The following AFAP1 variants were observed in gnomAD, a reference collection of about 807,000 sequenced individuals.
The protein encoded by AFAP1 is actin filament associated protein 1, also known as actin filament-associated protein 1.
Under a neutral mutation model 93.9 loss-of-function variants are expected in AFAP1, and 75 were observed. The observed-to-expected ratio is 0.80, with a 90% CI of 0.66 to 0.97. AFAP1 has a LOEUF of 0.97. Ranked by LOEUF, AFAP1 falls within the 50% of genes least tolerant of loss-of-function variation. AFAP1 has a pLI of 0.00. For synonymous variants in AFAP1, 517 were observed against 430.7 expected (o/e 1.20, Z -2.48); for missense variants, 1,201 against 1,050.8 (o/e 1.14, Z -1.98).
At chr4:7,869,872 T>C (rs1279111897) in intron 2 of AFAP1, among the ~76,000 whole-genome samples, 3 of 151,682 alleles carry the variant, frequency 2.0e-5, no homozygotes, top group Non-Finnish European at 2.9e-5. Flanking sequence ...ACAAAATCAA[T>C]AGATAGGTTT....
At chr4:7,773,106 C>A (rs573001588) in intron 15 of AFAP1, 96 bp from the exon 16 acceptor site, 1 of 1,473,648 alleles carries the variant, frequency 6.8e-7, no homozygotes, top group African/African-American at 1.4e-5. Flanking sequence ...TTCCACAAAA[C>A]GTCTGAGGTC....
intron 1 of AFAP1, among the ~76,000 whole-genome samples, chr4:7,881,865 T>C (rs1293351296): frequency 1.3e-5 from 2 of 152,166 alleles, no homozygotes; most frequent in Non-Finnish European, 2.9e-5. Context: ...TCTTCCTAGT[T>C]GTGTGACCTT....
intron 9 of AFAP1, among the ~76,000 whole-genome samples, chr4:7,803,323 G>T (rs28604598): frequency 0.1 from 15,769 of 152,242 alleles, 1,311 homozygotes; most frequent in East Asian, 0.47. Flanking sequence ...CAGGGCCCAG[G>T]CAACCCTTCA....
intron 3 of AFAP1, chr4:7,862,405 G>GCC (rs1560206471): frequency 1.0e-4 from 12 of 115,708 alleles, no homozygotes; most frequent in African/African-American, 3.4e-4. Flanking sequence ...GGGGCGGGGG[G>GCC]GGGGGGGGGC....
At chr4:7,861,544 C>G (rs558474178) in intron 3 of AFAP1, among the ~76,000 whole-genome samples, 111 of 152,314 alleles carry the variant, frequency 7.3e-4, no homozygotes, top group African/African-American at 2.6e-3. Flanking sequence ...GGAAGATTGT[C>G]TCACATATTT....
chr4:7,809,627 A>C lies in AFAP1; in HGVS notation c.1041T>G (p.Asp347Glu). Residue 347 changes from aspartate (D) to glutamate (E), a missense_variant, in exon 9 of 18, where the codon GAT (aspartate) becomes GAG (glutamate). Physicochemically the swap from Asp to Glu is conservative, Grantham distance 45 (BLOSUM62 2). Transcript: ENST00000420658. ...TDEQTSSAEEDVPTCGYLNVL... is the reference protein window; with the variant it reads ...TDEQTSSAEEEVPTCGYLNVL... ...GCGCAGTCTTACCGCAGGTGGGAAC[A>C]TCTTCCTCAGCTGAGGAGGTCTGCT... 6.2e-7 allele frequency: 1 copy of C among 1,612,614 alleles called. No homozygotes were observed. Among genetic ancestry groups the C allele is most frequent in the Non-Finnish European group, 8.5e-7 (1 of 1,179,642 alleles).
chr4:7,765,768 C>T (rs529701200), intron 17 of AFAP1, among the ~76,000 whole-genome samples: 1 of 152,330 alleles, frequency 6.6e-6, no homozygotes, highest in African/African-American at 2.4e-5. Flanking sequence ...CCTTCTGTGC[C>T]TCAGCCACTG....
intron 3 of AFAP1, among the ~76,000 whole-genome samples, chr4:7,866,982 T>C (rs1560209481): frequency 6.7e-6 from 1 of 149,586 alleles, no homozygotes; most frequent in Non-Finnish European, 1.5e-5. Flanking sequence ...GAGGCTGTAG[T>C]GAGCTATGAA....
chr4:7,821,127 T>G (rs114077955), intron 6 of AFAP1, among the ~76,000 whole-genome samples: 2 of 152,202 alleles, frequency 1.3e-5, no homozygotes, highest in Admixed American at 6.5e-5. Flanking sequence ...TCCAAAAATA[T>G]ATATATACAT....
In AFAP1 at chr4:7,879,024, T is replaced by C. The variant is rs1012596727; in HGVS notation, c.-2-6944A>G. Among the ~76,000 whole-genome samples the C allele has an allele frequency of 7.2e-5, 11 of 152,182 alleles. No individual in the cohort carries two copies. In the East Asian group the frequency reaches 2.1e-3, roughly 29 times the overall value. ...GTCATTACTCAAATTGTGTTTGACA[T>C]GTTTATTTTACTAATAGTTCTTACA... On this transcript the variant is annotated intron_variant, in intron 1 of 17. Coordinates refer to ENST00000420658, the MANE Select transcript of AFAP1 (RefSeq NM_001134647.2).
At chr4:7,822,977 G>C (rs1179334822) in intron 6 of AFAP1, among the ~76,000 whole-genome samples, 3 of 151,976 alleles carry the variant, frequency 2.0e-5, no homozygotes, top group Non-Finnish European at 4.4e-5. Flanking sequence ...GTAGGGTGGA[G>C]GGGCTGGCTG....
intron 1 of AFAP1, among the ~76,000 whole-genome samples, chr4:7,929,088 C>G (rs900962154): frequency 6.6e-6 from 1 of 152,236 alleles, no homozygotes; most frequent in Non-Finnish European, 1.5e-5. Context: ...GGAATCAGCA[C>G]ACAGTTCTGC....
rs542901046 is a variant in AFAP1 at position 7,760,938 on chromosome 4, C to G, written c.*2827G>C. 1 of 152,232 alleles carries G rather than the reference C, an allele frequency of 6.6e-6. No individual in the cohort carries two copies. Among genetic ancestry groups the G allele is most frequent in the African/African-American group, 2.4e-5 (1 of 41,460 alleles). 9.4% of individuals were successfully genotyped at this position (152,232 alleles called of 1,614,324 possible). ...CATCTGCTAAGTACCAGTGACATTG[C>G]GAAGAAATCCGGCTTCTCCGGGGAC... On this transcript the variant is annotated 3_prime_UTR_variant, in exon 18 of 18. Transcript: ENST00000420658.
At position 7,856,015 on chromosome 4, in the gene AFAP1, G is replaced by A. The variant is rs144535947; in HGVS notation, c.226-441C>T. Among the ~76,000 whole-genome samples, 804 of 152,282 alleles carry A rather than the reference G, an allele frequency of 5.3e-3. 2 individuals carry two copies. Among genetic ancestry groups the A allele is most frequent in the African/African-American group, 0.018 (763 of 41,548 alleles). On this transcript the variant is annotated intron_variant, in intron 3 of 17. Coordinates refer to ENST00000420658, the MANE Select transcript of AFAP1 (RefSeq NM_001134647.2). Reference sequence around the variant, plus strand: ...GGGACTCCATGGCCCTGCCACAGGCGGTGGGCTCCTGGGACACAGATGCTC... The same window carrying A: ...GGGACTCCATGGCCCTGCCACAGGCAGTGGGCTCCTGGGACACAGATGCTC...
At chr4:7,842,527 G>C (rs543719066) in intron 5 of AFAP1, among the ~76,000 whole-genome samples, 36 of 151,846 alleles carry the variant, frequency 2.4e-4, no homozygotes, top group Admixed American at 1.0e-3. Context: ...GAAGGAAGGT[G>C]GGGAGGGAGT....
At chr4:7,938,753 T>C (rs1227683167) in intron 1 of AFAP1, among the ~76,000 whole-genome samples, 2 of 152,050 alleles carry the variant, frequency 1.3e-5, no homozygotes, top group Non-Finnish European at 2.9e-5. Context: ...TTCTTCCCAT[T>C]ACTAACGGAA....
chr4:7,793,990 C>T (rs1337609542), intron 10 of AFAP1, among the ~76,000 whole-genome samples, 164 bp from the exon 11 acceptor site: 2 of 152,162 alleles, frequency 1.3e-5, no homozygotes, highest in African/African-American at 2.4e-5. Flanking sequence ...ACGTCACGTT[C>T]GCAGCAGGCC....
Position 7,767,326 on chromosome 4 carries a change from G to A in AFAP1, c.2418+1518C>T, listed in dbSNP as rs114843419. ...ACCTCTGTATGACGGAAGCACACAC[G>A]GTGATGGGAGCCCTTTTGAGGGTCG... is the stretch of plus-strand genomic sequence containing the variant. On this transcript the variant is annotated intron_variant, in intron 17 of 17. Transcript: ENST00000420658. 3.7e-3 allele frequency among the ~76,000 whole-genome samples: 571 copies of A among 152,298 alleles called. 5 individuals are homozygous for A. The highest frequency in any genetic ancestry group is 0.013 in the African/African-American group (536 of 41,570).
At chr4:7,827,485 C>T (rs1306942701) in intron 6 of AFAP1, among the ~76,000 whole-genome samples, 2 of 146,202 alleles carry the variant, frequency 1.4e-5, no homozygotes, top group Admixed American at 7.0e-5. Context: ...GCAGGAGAAT[C>T]GCTTGAACCC....
Sources: gnomAD v4.1 joint callset for allele counts (sites outside exome capture counted in the v4.1 genomes callset) on GRCh38, gnomAD v4.1.1 for gene constraint, MANE v1.5 for transcripts, NCBI Gene and HGNC (gene_info 2026-07-23, HGNC 2026-07-21) for gene names.